The following SOX6 variants were observed in gnomAD, a reference collection of about 807,000 sequenced individuals.
SOX6 encodes SRY-box transcription factor 6, also known as transcription factor SOX-6.
SOX6 carries 11 observed loss-of-function variants against 97.8 expected under a neutral mutation model. The observed-to-expected ratio is 0.11, with a 90% CI of 0.07 to 0.19. The LOEUF (loss-of-function observed/expected upper bound fraction) is 0.19. Among genes scored for constraint, SOX6 ranks in the 10% least tolerant of loss-of-function variants. The pLI is 1.00. For synonymous variants in SOX6, 360 were observed against 371.4 expected, an observed-to-expected ratio of 0.97 and a Z score of 0.35; for missense variants, 810 against 1,039.5, an observed-to-expected ratio of 0.78 and a Z score of 3.04.
chr11:16,478,018 CTG>C (rs2133122152), upstream of SOX6, among the ~76,000 whole-genome samples: 1 of 152,336 alleles, frequency 6.6e-6, no homozygotes, highest in South Asian at 2.1e-4. Flanking sequence ...CCTGGACACA[CTG>C]TGTGTATTAT....
intron 6 of SOX6, among the ~76,000 whole-genome samples, chr11:16,121,149 A>C (rs1849480481): frequency 6.6e-6 from 1 of 152,080 alleles, no homozygotes; most frequent in Non-Finnish European, 1.5e-5. Flanking sequence ...TACTAGGATC[A>C]TATGTAGTCA....
intron 9 of SOX6, among the ~76,000 whole-genome samples, chr11:16,074,728 TG>T (rs762035388): frequency 3.9e-5 from 6 of 152,002 alleles, no homozygotes; most frequent in Non-Finnish European, 7.4e-5. Context: ...TAATGGAAAA[TG>T]AATGGAAAAA....
At chr11:16,079,716 TA>T (rs554440963) in intron 9 of SOX6, among the ~76,000 whole-genome samples, 10 of 151,858 alleles carry the variant, frequency 6.6e-5, no homozygotes, top group Admixed American at 3.3e-4. Context: ...TTTTTTAAAT[TA>T]AAAAAAATGT....
intron 4 of SOX6, among the ~76,000 whole-genome samples, chr11:16,596,822 A>G (rs1848217118): frequency 6.6e-6 from 1 of 152,208 alleles, no homozygotes; most frequent in Non-Finnish European, 1.5e-5. Flanking sequence ...ATAATTTTCT[A>G]ATTTGTATTA....
chr11:16,612,704 T>A (rs967496786), intron 3 of SOX6, among the ~76,000 whole-genome samples: 15 of 151,988 alleles, frequency 9.9e-5, no homozygotes, highest in African/African-American at 3.6e-4. Context: ...TAAGACAATG[T>A]GTGTCTGCGG....
intron 4 of SOX6, among the ~76,000 whole-genome samples, chr11:16,609,576 G>A (rs1431436183): frequency 6.6e-6 from 1 of 152,236 alleles, no homozygotes; most frequent in African/African-American, 2.4e-5. Context: ...ACAAAGGGGA[G>A]AAAGTCTCAT....
chr11:16,711,401 A>G (rs979503012), intron 3 of SOX6, among the ~76,000 whole-genome samples: 1 of 141,636 alleles, frequency 7.1e-6, no homozygotes, highest in African/African-American at 2.5e-5. Context: ...TGGTGGGCCT[A>G]TAGTCCCAGC....
At chr11:16,217,361 A>C (rs1039905829) in intron 4 of SOX6, among the ~76,000 whole-genome samples, 6 of 152,332 alleles carry the variant, frequency 3.9e-5, no homozygotes, top group African/African-American at 1.4e-4. Flanking sequence ...GTCCAGATAA[A>C]ACTAAAGTTT....
chr11:16,186,730 G>C (rs1851487533), intron 5 of SOX6, 53 bp downstream of exon 5: 3 of 1,587,270 alleles, frequency 1.9e-6, no homozygotes, highest in African/African-American at 2.7e-5. Flanking sequence ...ATTACTCTCT[G>C]AGCCTGGCAC....
At chr11:16,413,570 G>T (rs925694045) in intron 1 of SOX6, among the ~76,000 whole-genome samples, 1 of 145,236 alleles carries the variant, frequency 6.9e-6, no homozygotes, top group African/African-American at 2.6e-5. Flanking sequence ...GCCCAGGCTG[G>T]AGTGCAGTGG....
At chr11:16,682,211 C>G (rs1847933757) in intron 3 of SOX6, among the ~76,000 whole-genome samples, 1 of 152,144 alleles carries the variant, frequency 6.6e-6, no homozygotes. Flanking sequence ...TGAAAATCCT[C>G]AATAAAATAC....
At chr11:16,010,125 T>TACACACACACACAC (rs67556517) in intron 13 of SOX6, among the ~76,000 whole-genome samples, 1 of 135,498 alleles carries the variant, frequency 7.4e-6, no homozygotes, top group Admixed American at 7.4e-5. Flanking sequence ...CAGTTGGAGC[T>TACACACACACACAC]ACACACACAC....
chr11:16,467,221 C>A, intron 1 of SOX6, among the ~76,000 whole-genome samples: 1 of 152,118 alleles, frequency 6.6e-6, no homozygotes, highest in East Asian at 1.9e-4. Flanking sequence ...TTGTGGAAGA[C>A]AGTGTGACGA....
intron 3 of SOX6, among the ~76,000 whole-genome samples, chr11:16,275,440 A>C (rs1380516346): frequency 6.6e-6 from 1 of 152,176 alleles, no homozygotes; most frequent in Non-Finnish European, 1.5e-5. Context: ...TGGGCGAAAG[A>C]GCGAGACTCA....
intron 3 of SOX6, among the ~76,000 whole-genome samples, chr11:16,664,636 C>T (rs1847791547): frequency 6.6e-6 from 1 of 152,090 alleles, no homozygotes; most frequent in Non-Finnish European, 1.5e-5. Context: ...ACTATTATTC[C>T]TGGGCATGTC....
chr11:16,643,582 G>A (rs545684460), intron 3 of SOX6, among the ~76,000 whole-genome samples: 9 of 152,166 alleles, frequency 5.9e-5, no homozygotes, highest in Non-Finnish European at 1.2e-4. Context: ...CTTCCCAGCC[G>A]CTTTGTTTAC....
intron 14 of SOX6, 152 bp downstream of exon 14, chr11:15,988,845 G>A (rs1170824397): frequency 1.4e-5 from 10 of 725,934 alleles, no homozygotes; most frequent in South Asian, 5.1e-5. Flanking sequence ...ACGTGATGAC[G>A]AAGGCTCCTG....
intron 4 of SOX6, among the ~76,000 whole-genome samples, chr11:16,524,272 T>C (rs1861119153): frequency 6.6e-6 from 1 of 151,582 alleles, no homozygotes; most frequent in Non-Finnish European, 1.5e-5. Context: ...TCAAAAAGCT[T>C]ATCCACCATG....
chr11:16,484,485 G>T, intron 4 of SOX6: 1 of 810,008 alleles, frequency 1.2e-6, no homozygotes, highest in Non-Finnish European at 2.2e-6. Context: ...TGCTCCCTGA[G>T]CTTCTCCTGA....
Sources: allele counts gnomAD v4.1 joint callset (sites outside exome capture counted in the v4.1 genomes callset), GRCh38; gene constraint gnomAD v4.1.1; transcripts MANE v1.5; gene names NCBI Gene and HGNC (gene_info 2026-07-23, HGNC 2026-07-21).